The following CARMIL1 variants were observed in gnomAD, a reference collection of about 807,000 sequenced individuals.
CARMIL1 encodes the protein capping protein regulator and myosin 1 linker 1, also known as F-actin-uncapping protein LRRC16A.
CARMIL1 carries 90 observed loss-of-function variants against 177.1 expected under a neutral mutation model. That is an observed-to-expected ratio of 0.51 (90% CI 0.43 to 0.61). The LOEUF (loss-of-function observed/expected upper bound fraction) is 0.61. CARMIL1 is among the 20% of genes least tolerant of loss of function. CARMIL1 has a pLI of 0.00. For synonymous variants in CARMIL1, 577 were observed against 606.2 expected, an observed-to-expected ratio of 0.95 and a Z score of 0.71; for missense variants, 1,380 against 1,667.0, an observed-to-expected ratio of 0.83 and a Z score of 3.00.
intron 2 of CARMIL1, among the ~76,000 whole-genome samples, chr6:25,403,773 C>T (rs564445109): frequency 1.3e-5 from 2 of 152,254 alleles, no homozygotes; most frequent in East Asian, 1.9e-4. Flanking sequence ...CTCTCCATAA[C>T]CCCCAGGCAT....
At chr6:25,491,669 C>G in intron 13 of CARMIL1, 63 bp from the exon 14 acceptor site, 1 of 1,025,040 alleles carries the variant, frequency 9.8e-7, no homozygotes, top group Non-Finnish European at 1.4e-6. Context: ...AAAACATTAA[C>G]TTGCATTGTG....
At chr6:25,585,110 A>G (rs1484378844) in intron 31 of CARMIL1, among the ~76,000 whole-genome samples, 3 of 152,368 alleles carry the variant, frequency 2.0e-5, no homozygotes, top group East Asian at 3.9e-4. Context: ...ACTTGAGTTC[A>G]TAGTGAAAAT....
At chr6:25,284,212 C>G (rs1781360056) in intron 1 of CARMIL1, among the ~76,000 whole-genome samples, 1 of 152,152 alleles carries the variant, frequency 6.6e-6, no homozygotes, top group Non-Finnish European at 1.5e-5. Context: ...ATCATACTGC[C>G]CAACTTCACT....
At position 25,472,527 on chromosome 6, in the gene CARMIL1, G is replaced by T; in HGVS notation, c.874+6G>T. 1.9e-6 allele frequency: 3 copies of T among 1,559,756 alleles called. No homozygotes were observed. Among genetic ancestry groups the T allele is most frequent in the Non-Finnish European group, 2.6e-6 (3 of 1,148,862 alleles). ...CAACCCACTGGAGGATAGAGGTACT[G>T]CAGAGTTCTCATTATCATTGATGCC... On this transcript the variant is annotated splice_donor_region_variant and intron_variant, in intron 11 of 36. Coordinates refer to ENST00000329474, the MANE Select transcript of CARMIL1 (RefSeq NM_017640.6).
At chr6:25,516,872 T>C (rs1806055132) in intron 21 of CARMIL1, among the ~76,000 whole-genome samples, 1 of 152,222 alleles carries the variant, frequency 6.6e-6, no homozygotes, top group Non-Finnish European at 1.5e-5. Flanking sequence ...CACAAGGAAC[T>C]ATGACAGATT....
intron 8 of CARMIL1, among the ~76,000 whole-genome samples, chr6:25,456,503 T>C (rs1272279702): frequency 1.3e-5 from 2 of 152,176 alleles, no homozygotes; most frequent in Non-Finnish European, 2.9e-5. Context: ...TTTATTTAAG[T>C]ATATTCTTTC....
intron 2 of CARMIL1, among the ~76,000 whole-genome samples, chr6:25,300,788 G>A (rs1561954163): frequency 6.6e-6 from 1 of 152,232 alleles, no homozygotes; most frequent in Non-Finnish European, 1.5e-5. Context: ...TGAAGTTTGA[G>A]AAACACTTGG....
chr6:25,414,246 T>C (rs1795177318), intron 2 of CARMIL1, among the ~76,000 whole-genome samples: 1 of 152,152 alleles, frequency 6.6e-6, no homozygotes, highest in South Asian at 2.1e-4. Context: ...AGAGCCAGAA[T>C]CTGAATATAA....
At chr6:25,574,492 T>C (rs1024252359) in intron 29 of CARMIL1, among the ~76,000 whole-genome samples, 15 of 152,232 alleles carry the variant, frequency 9.9e-5, no homozygotes, top group Non-Finnish European at 2.1e-4. Context: ...TGTTGAATCT[T>C]AATACAGGGC....
rs971085812 is a variant in CARMIL1 at position 25,554,678 on chromosome 6, T to C, written c.2592+582T>C. On this transcript the variant is annotated intron_variant, in intron 28 of 36. Coordinates refer to ENST00000329474, the MANE Select transcript of CARMIL1 (RefSeq NM_017640.6). The surrounding 1 kb of genome is among the most constrained non-coding windows in gnomAD (Gnocchi z 4.6). The stretch of plus-strand genomic sequence containing the variant: ...ATGAAAAAATGTATCAGAAACTCAA[T>C]GTTGCGCAAACTTCAGGAAGTTCTC... Among the ~76,000 whole-genome samples the C allele has an allele frequency of 7.2e-5, 11 of 152,092 alleles. No homozygotes were observed. The highest frequency in any genetic ancestry group is 2.7e-4 in the African/African-American group (11 of 41,400).
At chr6:25,417,072 T>C (rs927507966) in intron 2 of CARMIL1, among the ~76,000 whole-genome samples, 2 of 152,174 alleles carry the variant, frequency 1.3e-5, no homozygotes, top group African/African-American at 4.8e-5. Context: ...TTATTTCTTT[T>C]TCTTTTCCAC....
intron 2 of CARMIL1, among the ~76,000 whole-genome samples, chr6:25,361,125 T>C (rs1458583264): frequency 6.6e-6 from 1 of 152,232 alleles, no homozygotes; most frequent in African/African-American, 2.4e-5. Context: ...GTAGAAGATA[T>C]ATATAATTGA....
intron 2 of CARMIL1, among the ~76,000 whole-genome samples, chr6:25,289,177 T>C (rs1706293561): frequency 6.6e-6 from 1 of 152,174 alleles, no homozygotes; most frequent in Non-Finnish European, 1.5e-5. Context: ...AAAATCTACA[T>C]TGTGAGTAGT....
intron 3 of CARMIL1, among the ~76,000 whole-genome samples, chr6:25,424,400 A>G (rs1308642822): frequency 6.6e-6 from 1 of 152,098 alleles, no homozygotes; most frequent in Non-Finnish European, 1.5e-5. Flanking sequence ...ATTGACCTCC[A>G]ACTAATCTTG....
At chr6:25,583,821 A>ACCCC (rs373890684) in intron 31 of CARMIL1, among the ~76,000 whole-genome samples, 6 of 149,642 alleles carry the variant, frequency 4.0e-5, no homozygotes, top group African/African-American at 1.5e-4. Context: ...TAAAAAGACA[A>ACCCC]CCCCCCCCAC....
intron 4 of CARMIL1, among the ~76,000 whole-genome samples, chr6:25,434,570 C>G (rs1321269043): frequency 7.5e-6 from 1 of 133,778 alleles, no homozygotes; most frequent in African/African-American, 2.9e-5. Context: ...TGTCATCAGG[C>G]TGGAGTGCAG....
intron 2 of CARMIL1, among the ~76,000 whole-genome samples, chr6:25,292,305 C>T (rs964103931): frequency 6.6e-6 from 1 of 152,114 alleles, no homozygotes; most frequent in African/African-American, 2.4e-5. Context: ...TTACATGGCT[C>T]TAGAAAATTG....
chr6:25,547,610 G>A (rs2151156003), intron 26 of CARMIL1, among the ~76,000 whole-genome samples: 1 of 152,264 alleles, frequency 6.6e-6, no homozygotes, highest in Middle Eastern at 3.4e-3. Context: ...ATTGTTTTCA[G>A]AAGTGTGCCA....
At chr6:25,338,259 A>G (rs1346619643) in intron 2 of CARMIL1, among the ~76,000 whole-genome samples, 1 of 142,748 alleles carries the variant, frequency 7.0e-6, no homozygotes, top group African/African-American at 2.7e-5. Flanking sequence ...TCTGTCTCAA[A>G]AAAAAAAAAA....
Sources: allele counts gnomAD v4.1 joint callset (sites outside exome capture counted in the v4.1 genomes callset), GRCh38; gene constraint gnomAD v4.1.1; non-coding constraint Gnocchi (gnomAD v3.1); transcripts MANE v1.5; gene names NCBI Gene and HGNC (gene_info 2026-07-23, HGNC 2026-07-21).